ARRDC5: variants seen among roughly 807,000 people sequenced by gnomAD.
ARRDC5 encodes the protein arrestin domain-containing protein 5.
ARRDC5 carries 12 observed loss-of-function variants against 13.3 expected under a neutral mutation model. The observed-to-expected ratio is 0.90, with a 90% CI of 0.58 to 1.46. The LOEUF is 1.46. Ranked by LOEUF, ARRDC5 falls within the 40% of genes most tolerant of loss-of-function variation. The pLI, the probability that ARRDC5 is intolerant of heterozygous loss-of-function variation, is 0.00. For missense variants in ARRDC5, 406 were observed against 418.7 expected (o/e 0.97, Z 0.26); for synonymous variants, 181 against 173.4 (o/e 1.04, Z -0.34).
At chr19:4,901,840 G>A (rs2031926644) in intron 1 of ARRDC5, among the ~76,000 whole-genome samples, 1 of 151,912 alleles carries the variant, frequency 6.6e-6, no homozygotes, top group Non-Finnish European at 1.5e-5. Context: ...GTGGAACTGG[G>A]GACTAGTTAT....
chr19:4,912,762 TTTG>T, the ARRDC5 span, among the ~76,000 whole-genome samples: 3 of 152,224 alleles, frequency 2.0e-5, no homozygotes, highest in South Asian at 2.1e-4. Context: ...ATTGATTTTT[TTTG>T]TTGTTGTTCC....
chr19:4,904,370 G>A (rs923486238), upstream of ARRDC5, among the ~76,000 whole-genome samples: 73 of 152,068 alleles, frequency 4.8e-4, no homozygotes, highest in Non-Finnish European at 1.5e-4. Flanking sequence ...TAGTAGAGAC[G>A]GGGTTTCATC....
the ARRDC5 span, among the ~76,000 whole-genome samples, chr19:4,915,250 T>A: frequency 6.6e-6 from 1 of 151,540 alleles, no homozygotes; most frequent in Non-Finnish European, 1.5e-5. Flanking sequence ...GGAGGGAGGG[T>A]CCCCACCACC....
chr19:4,896,329 A>AAAAT (rs1371235915), intron 2 of ARRDC5, among the ~76,000 whole-genome samples: 2 of 73,394 alleles, frequency 2.7e-5, no homozygotes, highest in African/African-American at 5.8e-5. Flanking sequence ...AAAAAAAAAA[A>AAAAT]ATATATATAT....
chr19:4,893,865 AC>A (rs1376221754), intron 2 of ARRDC5, among the ~76,000 whole-genome samples: 14 of 142,488 alleles, frequency 9.8e-5, no homozygotes, highest in African/African-American at 3.2e-4. Context: ...ACAGGGTGAA[AC>A]CCCATCTCTA....
At chr19:4,916,305 CAAA>C in the ARRDC5 span, among the ~76,000 whole-genome samples, 1 of 124,564 alleles carries the variant, frequency 8.0e-6, no homozygotes, top group Non-Finnish European at 1.8e-5. Context: ...GACTTTGTCT[CAAA>C]AAAAAAAAAA....
chr19:4,912,681 C>T, the ARRDC5 span, among the ~76,000 whole-genome samples: 1 of 152,144 alleles, frequency 6.6e-6, no homozygotes, highest in Admixed American at 6.6e-5. Flanking sequence ...AGACACCAGT[C>T]CACCTTTCCC....
At chr19:4,895,440 A>G (rs930617002) in intron 2 of ARRDC5, among the ~76,000 whole-genome samples, 17 of 151,110 alleles carry the variant, frequency 1.1e-4, no homozygotes, top group East Asian at 1.9e-4. Flanking sequence ...AAAAAAAAAA[A>G]AAAAAAAGAA....
upstream of ARRDC5, among the ~76,000 whole-genome samples, chr19:4,906,517 G>A (rs1331640300): frequency 3.3e-5 from 5 of 152,180 alleles, no homozygotes; most frequent in African/African-American, 1.2e-4. Context: ...ACTTTGGGAA[G>A]TCCAGGCGGG....
intron 1 of ARRDC5, among the ~76,000 whole-genome samples, chr19:4,898,899 T>A (rs1449190565): frequency 2.0e-5 from 3 of 151,948 alleles, no homozygotes; most frequent in Non-Finnish European, 4.4e-5. Flanking sequence ...GTGCTGGGAC[T>A]ACAGGCGTGA....
At chr19:4,897,827 C>G (rs1187136879) in intron 1 of ARRDC5, among the ~76,000 whole-genome samples, 1 of 152,246 alleles carries the variant, frequency 6.6e-6, no homozygotes, top group African/African-American at 2.4e-5. Flanking sequence ...TGGCTCACGC[C>G]TGCAATCCCA....
intron 2 of ARRDC5, among the ~76,000 whole-genome samples, chr19:4,895,680 T>C (rs2031688103): frequency 6.6e-6 from 1 of 152,028 alleles, no homozygotes; most frequent in African/African-American, 2.4e-5. Flanking sequence ...GGCCACCACC[T>C]CTATTGTCTG....
chr19:4,909,673 G>A, the ARRDC5 span: 1 of 522,718 alleles, frequency 1.9e-6, no homozygotes, highest in Non-Finnish European at 3.3e-6. Context: ...GGCGGGCCGG[G>A]TCGGGGTGCC....
Position 4,902,549 on chromosome 19 carries a change from G to T in ARRDC5, c.253+24C>A. 2.5e-6 allele frequency: 4 copies of T among 1,609,116 alleles called. No individual in the cohort carries two copies. The South Asian group carries it at 3.3e-5, about 13-fold the overall frequency. ...GACCCAGGTTCCTGTCATGGCTAGG[G>T]GTGGCTGTTGGCCTCGTCCTTACCC... On this transcript the variant is annotated intron_variant, in intron 1 of 2. Transcript: ENST00000650722.
In ARRDC5 at chr19:4,890,781, T is replaced by G; in HGVS notation, c.*265A>C. ...TGGTCTTGGCACTGTGAGACCCCAG[T>G]AGGCTGGGGCAGACTCAGGGTGGAA... On this transcript the variant is annotated 3_prime_UTR_variant, in exon 3 of 3. Coordinates refer to ENST00000650722, the MANE Select transcript of ARRDC5 (RefSeq NM_001080523.3). 2 of 424,114 alleles carry G rather than the reference T, an allele frequency of 4.7e-6. No homozygotes were observed. The allele number at this position is 424,114 out of a possible 1,614,324, so 26.3% of individuals were successfully genotyped here. A position where few individuals can be genotyped will look rare whatever the true frequency, so the allele number is the denominator to read the frequency against.
At chr19:4,896,520 C>T (rs2031739797) in intron 2 of ARRDC5, 151 bp downstream of exon 2, 1 of 614,792 alleles carries the variant, frequency 1.6e-6, no homozygotes, top group South Asian at 1.9e-5. Flanking sequence ...AGGTTTCTGA[C>T]TCACCTTTTG....
chr19:4,909,352 G>T, the ARRDC5 span: 3 of 594,532 alleles, frequency 5.0e-6, no homozygotes, highest in African/African-American at 3.9e-5. Flanking sequence ...ACTAGGCGGA[G>T]GCGCCGTGGA....
At chr19:4,895,766 CCTTTT>C (rs1389640668) in intron 2 of ARRDC5, among the ~76,000 whole-genome samples, 1 of 152,200 alleles carries the variant, frequency 6.6e-6, no homozygotes, top group African/African-American at 2.4e-5. Flanking sequence ...CCCTGTGGGG[CCTTTT>C]CTTGGCTTTT....
the ARRDC5 span, among the ~76,000 whole-genome samples, chr19:4,908,145 A>G: frequency 6.6e-6 from 1 of 152,152 alleles, no homozygotes; most frequent in Non-Finnish European, 1.5e-5. Flanking sequence ...GACGCTCCCC[A>G]ACTCAAAATC....
Sources: gnomAD v4.1 joint callset for allele counts (sites outside exome capture counted in the v4.1 genomes callset) on GRCh38, gnomAD v4.1.1 for gene constraint, MANE v1.5 for transcripts, NCBI Gene and HGNC (gene_info 2026-07-23, HGNC 2026-07-21) for gene names.